The following MTOR variants were observed in gnomAD, a reference collection of about 807,000 sequenced individuals.
MTOR encodes serine/threonine-protein kinase mTOR.
In MTOR, 70 loss-of-function variants were observed where a neutral mutation model predicts 319.8. That is an observed-to-expected ratio of 0.22 (90% CI 0.18 to 0.27). The LOEUF (loss-of-function observed/expected upper bound fraction) is 0.27. MTOR is among the 10% of genes least tolerant of loss of function. The pLI is 1.00. For missense variants in MTOR, 1,890 were observed against 3,274.4 expected (o/e 0.58, Z 10.32); for synonymous variants, 1,183 against 1,211.4 (o/e 0.98, Z 0.49).
At chr1:11,168,654 C>G (rs900434013) in intron 28 of MTOR, among the ~76,000 whole-genome samples, 2 of 152,206 alleles carry the variant, frequency 1.3e-5, no homozygotes, top group African/African-American at 4.8e-5. Flanking sequence ...AGAAGCTTTT[C>G]ACTAATGACA....
intron 3 of MTOR, among the ~76,000 whole-genome samples, chr1:11,257,437 C>T (rs1422396376): frequency 6.6e-6 from 1 of 150,466 alleles, no homozygotes; most frequent in Non-Finnish European, 1.5e-5. Flanking sequence ...GTGGCACACG[C>T]CTGTAATCCC....
chr1:11,214,750 G>C (rs1221642479), intron 20 of MTOR, among the ~76,000 whole-genome samples: 2 of 152,160 alleles, frequency 1.3e-5, no homozygotes, highest in East Asian at 3.8e-4. Flanking sequence ...TGAAAAAGCT[G>C]TGTTTTCTAG....
chr1:11,248,747 G>A (rs1192816531), intron 6 of MTOR, among the ~76,000 whole-genome samples: 1 of 152,144 alleles, frequency 6.6e-6, no homozygotes, highest in Non-Finnish European at 1.5e-5. Flanking sequence ...AGCAGGCAGA[G>A]GTTGCAGTGA....
rs1383829951 is a variant in MTOR, at chr1:11,209,417, G to A, written c.3696C>T (p.Tyr1232=). 2 of 1,614,010 alleles carry A rather than the reference G, an allele frequency of 1.2e-6. No homozygotes were observed. Among genetic ancestry groups the A allele is most frequent in the Non-Finnish European group, 1.7e-6 (2 of 1,180,022 alleles). Residue 1232 remains tyrosine, a synonymous_variant, in exon 25 of 58, where the codon TAC becomes TAT. Transcript: ENST00000361445. ...LADEEEDPLI[Y]QHRMLRSGQG... ...GGCCACTCCTAAGCATCCGATGCTG[G>A]TAAATCAAAGGATCCTCCTCTTCAT...
intron 28 of MTOR, among the ~76,000 whole-genome samples, chr1:11,180,654 T>C (rs1233141923): frequency 1.3e-5 from 2 of 152,188 alleles, no homozygotes; most frequent in Non-Finnish European, 2.9e-5. Context: ...AGGTCTTATC[T>C]CTAGCTAAGG....
chr1:11,156,497 T>C (rs896892639), intron 30 of MTOR, among the ~76,000 whole-genome samples: 4 of 152,146 alleles, frequency 2.6e-5, no homozygotes, highest in Non-Finnish European at 5.9e-5. Flanking sequence ...GGAGTACCTG[T>C]TTCCCCCCTA....
At chr1:11,220,835 A>G (rs1377946589) in intron 19 of MTOR, among the ~76,000 whole-genome samples, 1 of 152,208 alleles carries the variant, frequency 6.6e-6, no homozygotes, top group African/African-American at 2.4e-5. Context: ...TTAAGCCACT[A>G]AATTTGTGGT....
chr1:11,130,040 T>C (rs927367640), intron 39 of MTOR, among the ~76,000 whole-genome samples: 1 of 152,250 alleles, frequency 6.6e-6, no homozygotes, highest in African/African-American at 2.4e-5. Flanking sequence ...GTTATTATCT[T>C]GGGCTGACAG....
intron 28 of MTOR, among the ~76,000 whole-genome samples, chr1:11,175,602 A>G (rs2100646346): frequency 6.6e-6 from 1 of 152,358 alleles, no homozygotes; most frequent in East Asian, 1.9e-4. Context: ...CAGGGCAAGC[A>G]TGCGAGCTGA....
chr1:11,107,283 C>T lies in MTOR; in HGVS notation c.*202G>A, dbSNP rs1641623764. The T allele has an allele frequency of 6.9e-7, 1 of 1,451,820 alleles. No individual in the cohort carries two copies. The highest frequency in any genetic ancestry group is 1.4e-5 in the African/African-American group (1 of 69,822). The allele number at this position is 1,451,820 out of a possible 1,614,324, so 89.9% of individuals were successfully genotyped here. A position where few individuals can be genotyped will look rare whatever the true frequency, so the allele number is the denominator to read the frequency against. ...CACTGTCCTGGGAACCAAATCAAGC[C>T]TTGTGTTTCTGACAATATATTCTTC... On this transcript the variant is annotated 3_prime_UTR_variant, in exon 58 of 58. Coordinates refer to ENST00000361445, the MANE Select transcript of MTOR (RefSeq NM_004958.4).
chr1:11,179,680 A>C (rs559948023), intron 28 of MTOR, among the ~76,000 whole-genome samples: 2 of 152,348 alleles, frequency 1.3e-5, no homozygotes, highest in Non-Finnish European at 2.9e-5. Flanking sequence ...TCTTGACAGC[A>C]GCTAGAAGTA....
At chr1:11,214,077 G>A (rs944402920) in intron 20 of MTOR, among the ~76,000 whole-genome samples, 2 of 152,222 alleles carry the variant, frequency 1.3e-5, no homozygotes, top group Non-Finnish European at 2.9e-5. Flanking sequence ...GAATATTCTA[G>A]AATGAACAGA....
chr1:11,232,864 T>G (rs1281940355), intron 15 of MTOR: 1 of 525,650 alleles, frequency 1.9e-6, no homozygotes, highest in African/African-American at 1.9e-5. Context: ...AAAGTGAAAC[T>G]GTCTCAAAAA....
At chr1:11,135,233 T>C (rs926908181) in intron 36 of MTOR, among the ~76,000 whole-genome samples, 3 of 152,056 alleles carry the variant, frequency 2.0e-5, no homozygotes, top group Non-Finnish European at 2.9e-5. Flanking sequence ...GTGCGGTCCA[T>C]ATCACTTTTA....
In MTOR at chr1:11,109,230, C is replaced by CAA. The variant is rs1641733771; in HGVS notation, c.7528+59_7528+60insTT. The stretch of plus-strand genomic sequence containing the variant: ...ACTGGACATGGGGCTGACCACCACT[C>CAA]AGAGAGGAAAGTGTGCTCAGATTTT... On this transcript the variant is annotated intron_variant, in intron 56 of 57. Transcript: ENST00000361445. This position sits in a 1 kb window ranked among gnomAD's most constrained non-coding sequence, Gnocchi z 4.0. The CAA allele has an allele frequency of 4.0e-6, 6 of 1,509,014 alleles. No homozygotes were observed. In the South Asian group the frequency reaches 7.0e-5, roughly 18 times the overall value. The allele number at this position is 1,509,014 out of a possible 1,614,324, so 93.5% of individuals were successfully genotyped here.
Position 11,234,248 on chromosome 1 carries a change from C to A in MTOR, c.2226G>T (p.Glu742Asp). ...CTTTGATTCTTCCAATCCCACTGTGCTCCAACTCTGTCAAAATCTGTAGGG... is the reference window on the plus strand; with the variant it reads ...CTTTGATTCTTCCAATCCCACTGTGATCCAACTCTGTCAAAATCTGTAGGG... Reference protein sequence around the residue: ...KMLIQILTELEHSGIGRIKEQ... With the variant: ...KMLIQILTELDHSGIGRIKEQ... Residue 742 changes from glutamate (E) to aspartate (D), a missense_variant, in exon 14 of 58, where the codon GAG becomes GAT. This residue lies in a region of MTOR where 377 missense variants were observed against 653.9 expected (regional missense o/e 0.58). Transcript: ENST00000361445. The A allele has an allele frequency of 6.2e-7, 1 of 1,612,972 alleles. No individual in the cohort carries two copies.
chr1:11,167,254 AAAAG>A (rs1020019657), intron 29 of MTOR, among the ~76,000 whole-genome samples, 184 bp downstream of exon 29: 1 of 152,030 alleles, frequency 6.6e-6, no homozygotes, highest in African/African-American at 2.4e-5. Flanking sequence ...TTAAAAAAAA[AAAAG>A]AAAGAAATAG....
chr1:11,208,100 C>T (rs1441430079), intron 25 of MTOR, among the ~76,000 whole-genome samples: 1 of 152,298 alleles, frequency 6.6e-6, no homozygotes, highest in East Asian at 1.9e-4. Context: ...TGGAAATGTA[C>T]ATCTGGCCTC....
At chr1:11,218,108 TACAA>T (rs1229921732) in intron 19 of MTOR, among the ~76,000 whole-genome samples, 2 of 152,234 alleles carry the variant, frequency 1.3e-5, no homozygotes, top group East Asian at 3.9e-4. Context: ...TGATTCCCCA[TACAA>T]ATATGTATAG....
Sources: allele counts gnomAD v4.1 joint callset (sites outside exome capture counted in the v4.1 genomes callset), GRCh38; gene constraint gnomAD v4.1.1; regional missense constraint gnomAD v4.1.1; non-coding constraint Gnocchi (gnomAD v3.1); transcripts MANE v1.5; gene names NCBI Gene and HGNC (gene_info 2026-07-23, HGNC 2026-07-21).